The following MAP3K15 variants were observed in gnomAD, a reference collection of about 807,000 sequenced individuals.
The protein encoded by MAP3K15 is mitogen-activated protein kinase kinase kinase 15.
A neutral mutation model predicts 99.5 loss-of-function variants in MAP3K15; 124 were observed. The ratio of observed to expected loss-of-function variants is 1.25; its 90% confidence interval spans 1.08 to 1.45. The LOEUF (loss-of-function observed/expected upper bound fraction) is 1.45. Ranked by LOEUF, MAP3K15 falls within the 40% of genes most tolerant of loss-of-function variation. MAP3K15 has a pLI of 0.00. For missense variants in MAP3K15, 1,242 were observed against 1,079.7 expected (o/e 1.15, Z -2.11); for synonymous variants, 494 against 439.6 (o/e 1.12, Z -1.55).
intron 11 of MAP3K15, among the ~76,000 whole-genome samples, chrX:19,410,581 C>T (rs768331486): frequency 8.5e-4 from 95 of 111,921 alleles, no homozygotes; most frequent in Non-Finnish European, 1.2e-3. Context: ...TGCCCCCCAC[C>T]GCCACCCTCT....
rs950903236 is a variant in MAP3K15, at chrX:19,384,963, A to G, written c.2432-4686T>C. The stretch of plus-strand genomic sequence containing the variant: ...TGCTATATACCCACAAAAGTTAAAA[A>G]TAAATTTGCAGATTTTTAAAAATAT... On this transcript the variant is annotated intron_variant, in intron 18 of 28. Coordinates refer to ENST00000338883, the MANE Select transcript of MAP3K15 (RefSeq NM_001001671.4). Among the ~76,000 whole-genome samples the G allele has an allele frequency of 7.2e-5, 8 of 110,732 alleles. No homozygotes were observed. The East Asian group carries it at 2.0e-3, about 27-fold the overall frequency.
At position 19,464,207 on chromosome X, in the gene MAP3K15, A is replaced by G; in HGVS notation, c.719+6T>C. The G allele has an allele frequency of 8.4e-7, 1 of 1,186,776 alleles. No individual in the cohort carries two copies. The highest frequency in any genetic ancestry group is 1.1e-6 in the Non-Finnish European group (1 of 885,462). On this transcript the variant is annotated splice_donor_region_variant and intron_variant, in intron 4 of 28. Coordinates refer to ENST00000338883, the MANE Select transcript of MAP3K15 (RefSeq NM_001001671.4). ...CCAGGGGTTACTGGTGGCAGATGGGAATTACCATGAGGTCACGTGGATGTC... is the reference window on the plus strand; with the variant it reads ...CCAGGGGTTACTGGTGGCAGATGGGGATTACCATGAGGTCACGTGGATGTC...
chrX:19,461,191 G>C (rs944076061), intron 4 of MAP3K15, among the ~76,000 whole-genome samples: 7 of 111,893 alleles, frequency 6.3e-5, no homozygotes, highest in African/African-American at 2.3e-4. Context: ...ATGTTAGCCA[G>C]GATGGTCTCG....
At chrX:19,412,475 G>A (rs772474218) in intron 11 of MAP3K15, among the ~76,000 whole-genome samples, 12 of 111,172 alleles carry the variant, frequency 1.1e-4, no homozygotes, top group African/African-American at 3.9e-4. Context: ...TTGGATAATC[G>A]GAAGAAGGAA....
chrX:19,376,511 T>C (rs2063418901), intron 19 of MAP3K15, among the ~76,000 whole-genome samples: 1 of 109,780 alleles, frequency 9.1e-6, no homozygotes, highest in African/African-American at 3.3e-5. Context: ...AGTAGCATGA[T>C]CATAGCTCAC....
At chrX:19,456,509 G>A (rs2064094023) in intron 6 of MAP3K15, among the ~76,000 whole-genome samples, 2 of 112,080 alleles carry the variant, frequency 1.8e-5, no homozygotes, top group Admixed American at 1.9e-4. Flanking sequence ...GGAACTTCTG[G>A]GGTGATGGAA....
intron 9 of MAP3K15, among the ~76,000 whole-genome samples, chrX:19,418,986 G>A (rs1377661086): frequency 1.8e-5 from 2 of 111,711 alleles, no homozygotes; most frequent in African/African-American, 6.5e-5. Flanking sequence ...ACAAGCAAAT[G>A]CTGAGACATT....
At chrX:19,511,388 A>T (rs750782336) in intron 1 of MAP3K15, among the ~76,000 whole-genome samples, 1 of 112,260 alleles carries the variant, frequency 8.9e-6, no homozygotes, top group African/African-American at 3.2e-5. Flanking sequence ...CAGGCAACCT[A>T]CAGAATGGGA....
intron 3 of MAP3K15, among the ~76,000 whole-genome samples, chrX:19,470,713 G>C (rs1488312977): frequency 9.0e-6 from 1 of 111,494 alleles, no homozygotes; most frequent in Non-Finnish European, 1.9e-5. Context: ...TATATTATCT[G>C]AAATGTCCAG....
In MAP3K15 at chrX:19,413,350, T is replaced by C; in HGVS notation, c.1698+7A>G. ...TGATTAAATTGCTTGTGATTTTTCC[T>C]CCTTACCATTTCTGTGGGTGAGACA... On this transcript the variant is annotated splice_region_variant and intron_variant, in intron 11 of 28. Coordinates refer to ENST00000338883, the MANE Select transcript of MAP3K15 (RefSeq NM_001001671.4). The C allele has an allele frequency of 1.7e-6, 2 of 1,171,086 alleles. No homozygotes were observed. The highest frequency in any genetic ancestry group is 2.3e-6 in the Non-Finnish European group (2 of 861,877).
Position 19,395,068 on chromosome X carries a change from A to T in MAP3K15, c.2194+13T>A, listed in dbSNP as rs765283399. ...TTTTCAGAATGTGAGACCAGAAGACAGCGACTACTCACCTCCAGGCACCTG... is the reference window on the plus strand; with the variant it reads ...TTTTCAGAATGTGAGACCAGAAGACTGCGACTACTCACCTCCAGGCACCTG... On this transcript the variant is annotated intron_variant, in intron 16 of 28. Coordinates refer to ENST00000338883, the MANE Select transcript of MAP3K15 (RefSeq NM_001001671.4). The T allele has an allele frequency of 1.6e-5, 19 of 1,204,563 alleles. No individual in the cohort carries two copies. The highest frequency in any genetic ancestry group is 2.0e-5 in the Non-Finnish European group (18 of 891,088).
intron 3 of MAP3K15, among the ~76,000 whole-genome samples, chrX:19,469,928 T>C (rs1203744415): frequency 1.8e-5 from 2 of 108,835 alleles, no homozygotes; most frequent in Non-Finnish European, 3.8e-5. Context: ...TGTGGAGAAA[T>C]AGGAACACTT....
intron 1 of MAP3K15, among the ~76,000 whole-genome samples, chrX:19,512,338 C>T (rs947316535): frequency 8.9e-6 from 1 of 112,004 alleles, no homozygotes; most frequent in Non-Finnish European, 1.9e-5. Context: ...AAAATAAATA[C>T]TTGGGCCGTT....
At chrX:19,491,923 C>A (rs763972053) in intron 1 of MAP3K15, among the ~76,000 whole-genome samples, 133 of 108,511 alleles carry the variant, frequency 1.2e-3, no homozygotes, top group Admixed American at 9.9e-4. Flanking sequence ...TGACCTCAAG[C>A]GATCCGCCCA....
At position 19,482,179 on chromosome X, in the gene MAP3K15, C is replaced by CAAAAAAAAAAAAAAAAAAAAAAAAA. The variant is rs34191166; in HGVS notation, c.525+4302_525+4303insTTTTTTTTTTTTTTTTTTTTTTTTT. The CAAAAAAAAAAAAAAAAAAAAAAAAA allele has an allele frequency of 1.5e-3, 46 of 31,461 alleles. 3 individuals are homozygous for CAAAAAAAAAAAAAAAAAAAAAAAAA. The highest frequency in any genetic ancestry group is 4.7e-3 in the African/African-American group (44 of 9,377). 2.6% of individuals were successfully genotyped at this position (31,461 alleles called of 1,213,427 possible). A position where few individuals can be genotyped will look rare whatever the true frequency, so the allele number is the denominator to read the frequency against. On this transcript the variant is annotated intron_variant, in intron 3 of 28. Transcript: ENST00000338883. The stretch of plus-strand genomic sequence containing the variant: ...TGGGCGACAGAGTGAGATTCCAGCT[C>CAAAAAAAAAAAAAAAAAAAAAAAAA]AAAAAAAAAAAAAAAAAGCCTATAT...
chrX:19,412,314 G>C (rs1215882078), intron 11 of MAP3K15, among the ~76,000 whole-genome samples: 2 of 112,387 alleles, frequency 1.8e-5, no homozygotes, highest in Non-Finnish European at 3.8e-5. Flanking sequence ...GTGGGTAACT[G>C]TTCCATAGCT....
intron 11 of MAP3K15, among the ~76,000 whole-genome samples, chrX:19,410,319 T>C (rs1394135034): frequency 8.9e-6 from 1 of 112,592 alleles, no homozygotes; most frequent in Non-Finnish European, 1.9e-5. Context: ...CCCACCTAAG[T>C]TGAGTGACTT....
At chrX:19,440,294 C>T (rs1602311039) in intron 6 of MAP3K15, among the ~76,000 whole-genome samples, 1 of 112,120 alleles carries the variant, frequency 8.9e-6, no homozygotes, top group East Asian at 2.8e-4. Context: ...CATTAAGTTT[C>T]TTCTATTTTA....
In MAP3K15 at chrX:19,499,735, C is replaced by T. The variant is rs374350689; in HGVS notation, c.362-10768G>A. Among the ~76,000 whole-genome samples, 11 of 111,807 alleles carry T rather than the reference C, an allele frequency of 9.8e-5. 1 individual carries two copies. Among genetic ancestry groups the T allele is most frequent in the Admixed American group, 2.9e-4 (3 of 10,482 alleles). Reference sequence around the variant, plus strand: ...CATTTAGATGAAGCTCTAGGAAAGGCAGATCTAATCTACAGAGATGACAGC... The same window carrying T: ...CATTTAGATGAAGCTCTAGGAAAGGTAGATCTAATCTACAGAGATGACAGC... On this transcript the variant is annotated intron_variant, in intron 1 of 28. Transcript: ENST00000338883.
Sources: allele counts gnomAD v4.1 joint callset (sites outside exome capture counted in the v4.1 genomes callset), GRCh38; gene constraint gnomAD v4.1.1; transcripts MANE v1.5; gene names NCBI Gene and HGNC (gene_info 2026-07-23, HGNC 2026-07-21).